The following TRANK1 variants were observed in gnomAD, a reference collection of about 807,000 sequenced individuals.
The protein encoded by TRANK1 is TPR and ankyrin repeat-containing protein 1.
TRANK1 carries 198 observed loss-of-function variants against 266.0 expected under a neutral mutation model. The ratio of observed to expected loss-of-function variants is 0.74; its 90% CI spans 0.66 to 0.84. The LOEUF (loss-of-function observed/expected upper bound fraction) is 0.84. Ranked by LOEUF, TRANK1 falls within the 40% of genes least tolerant of loss-of-function variation. The pLI is 0.00. For synonymous variants in TRANK1, 1,396 were observed against 1,384.1 expected (o/e 1.01, Z -0.19); for missense variants, 3,326 against 3,634.6 (o/e 0.92, Z 2.18).
chr3:36,852,858 C>A (rs1360160575), intron 13 of TRANK1, among the ~76,000 whole-genome samples: 2 of 150,646 alleles, frequency 1.3e-5, no homozygotes, highest in Non-Finnish European at 1.5e-5. Context: ...GTAAGAAAAC[C>A]AGAATTGCCT....
chr3:36,854,364 A>C (rs1298304389), intron 13 of TRANK1, among the ~76,000 whole-genome samples: 1 of 129,976 alleles, frequency 7.7e-6, no homozygotes, highest in East Asian at 1.9e-4. Flanking sequence ...TATCTGAAAA[A>C]AACAAAAAAA....
chr3:36,931,956 T>C (rs1221109384), intron 1 of TRANK1, among the ~76,000 whole-genome samples: 1 of 152,188 alleles, frequency 6.6e-6, no homozygotes, highest in Non-Finnish European at 1.5e-5. Context: ...AATAAAATTA[T>C]TTACCCTTAT....
In TRANK1 at chr3:36,857,674, C is replaced by T; in HGVS notation, c.2048G>A (p.Gly683Asp). ...PGHTSQLKSQ[G>D]SFKSVPCGAT... is the part of the protein sequence containing the mutation. ...ACCACATGGCACTGACTTGAATGAACCCTGGGACTTGAGCTGAGATGTGTG... is the reference window on the plus strand; with the variant it reads ...ACCACATGGCACTGACTTGAATGAATCCTGGGACTTGAGCTGAGATGTGTG... Residue 683 changes from glycine (G) to aspartate (D), a missense_variant, in exon 13 of 24, where the codon GGT (glycine) becomes GAT (aspartate). Coordinates refer to ENST00000645898, the MANE Select transcript of TRANK1 (RefSeq NM_001329998.2). The surrounding 1 kb of genome is among the most constrained non-coding windows in gnomAD (Gnocchi z 4.3). 1.9e-6 allele frequency: 3 copies of T among 1,614,018 alleles called. No homozygotes were observed. Among genetic ancestry groups the T allele is most frequent in the South Asian group, 2.2e-5 (2 of 91,080 alleles).
Position 36,847,191 on chromosome 3 carries a change from G to T in TRANK1, c.5034+9C>A. The T allele has an allele frequency of 6.2e-7, 1 of 1,610,042 alleles. No individual in the cohort carries two copies. Among genetic ancestry groups the T allele is most frequent in the Non-Finnish European group, 8.5e-7 (1 of 1,177,382 alleles). ...CAAGTACATGTGTTGACAAATGGCA[G>T]AAATTCACCTTGTACATTTCTGGAT... On this transcript the variant is annotated intron_variant, in intron 16 of 23. Transcript: ENST00000645898.
chr3:36,880,036 GCAAATATATGTAAACATA>G (rs1327191842), intron 8 of TRANK1: 1 of 4,434 alleles, frequency 2.3e-4, no homozygotes, highest in African/African-American at 1.1e-3. Flanking sequence ...ATGTAAACAT[GCAAATATATGTAAACATA>G]CAAATATATG....
intron 8 of TRANK1, among the ~76,000 whole-genome samples, chr3:36,882,455 G>C (rs115474485): frequency 3.5e-4 from 53 of 152,118 alleles, no homozygotes; most frequent in African/African-American, 1.2e-3. Flanking sequence ...AGACAAATAG[G>C]TAATTATTTG....
intron 1 of TRANK1, among the ~76,000 whole-genome samples, chr3:36,942,548 C>T (rs2080510805): frequency 6.7e-6 from 1 of 150,364 alleles, no homozygotes; most frequent in African/African-American, 2.5e-5. Context: ...GCATTTACAC[C>T]AGGCCCCACT....
At chr3:36,922,731 A>G (rs936105566) in intron 1 of TRANK1, among the ~76,000 whole-genome samples, 5 of 151,668 alleles carry the variant, frequency 3.3e-5, no homozygotes, top group African/African-American at 1.2e-4. Context: ...AGCCGAGATC[A>G]CACCACTGCA....
chr3:36,877,273 G>GA (rs2079403756), intron 8 of TRANK1, among the ~76,000 whole-genome samples: 2 of 152,008 alleles, frequency 1.3e-5, no homozygotes, highest in Admixed American at 1.3e-4. Flanking sequence ...AATATTTGCA[G>GA]AAAAAAATGT....
At chr3:36,923,079 A>T (rs1254194213) in intron 1 of TRANK1, among the ~76,000 whole-genome samples, 1 of 152,184 alleles carries the variant, frequency 6.6e-6, no homozygotes, top group East Asian at 1.9e-4. Context: ...TTAGTGTTTT[A>T]TCAGCACTGC....
chr3:36,842,361 G>T (rs1014579603), intron 18 of TRANK1, among the ~76,000 whole-genome samples: 1 of 152,224 alleles, frequency 6.6e-6, no homozygotes, highest in Non-Finnish European at 1.5e-5. Context: ...TCCTTGGTGG[G>T]GCAAAGGCCA....
rs1286190514 is a variant in TRANK1, at chr3:36,831,787, A to T, written c.7796T>A (p.Met2599Lys). ...AACCTGGCCAGGGCAGTCCATGCTC[A>T]TGAGCTGCAGCCTTGACTCAATCTC... ...FREIESRLQL[M>K]SMDCPGQVPE... The change falls in exon 22 of 24, where the codon ATG (methionine) becomes AAG (lysine). Residue 2599 changes from methionine (M) to lysine (K), a missense_variant. Physicochemically the swap from Met to Lys is moderately conservative, Grantham distance 95. Coordinates refer to ENST00000645898, the MANE Select transcript of TRANK1 (RefSeq NM_001329998.2). The surrounding 1 kb of genome is among the most constrained non-coding windows in gnomAD (Gnocchi z 5.0). The T allele has an allele frequency of 6.2e-7, 1 of 1,613,958 alleles. No homozygotes were observed. Among genetic ancestry groups the T allele is most frequent in the Non-Finnish European group, 8.5e-7 (1 of 1,179,880 alleles).
chr3:36,908,332 T>C lies in TRANK1; in HGVS notation c.146A>G (p.Tyr49Cys). 1 of 1,232,194 alleles carries C rather than the reference T, an allele frequency of 8.1e-7. No individual in the cohort carries two copies. Among genetic ancestry groups the C allele is most frequent in the Non-Finnish European group, 1.0e-6 (1 of 987,974 alleles). The allele number at this position is 1,232,194 out of a possible 1,614,324, so 76.3% of individuals were successfully genotyped here. A position where few individuals can be genotyped will look rare whatever the true frequency, so the allele number is the denominator to read the frequency against. ...AAATGCAAACACTTACCCCCACTGG[T>C]ATAACTGCAGGAGAATCTGGATGGC... Reference protein sequence around the residue: ...DEAIQILLQLYQWGVPPRDLA... With the variant: ...DEAIQILLQLCQWGVPPRDLA... Residue 49 changes from tyrosine (Y) to cysteine (C), a missense_variant, in exon 2 of 24, where the codon TAC becomes TGC. Coordinates refer to ENST00000645898, the MANE Select transcript of TRANK1 (RefSeq NM_001329998.2).
At chr3:36,907,024 C>G (rs1035759372) in intron 2 of TRANK1, among the ~76,000 whole-genome samples, 8 of 152,252 alleles carry the variant, frequency 5.3e-5, no homozygotes, top group African/African-American at 1.7e-4. Context: ...AGACTGAATA[C>G]AGATGTAAGA....
chr3:36,830,845 C>T (rs938017436), intron 22 of TRANK1, 28 bp downstream of exon 22: 3 of 1,555,810 alleles, frequency 1.9e-6, no homozygotes, highest in Non-Finnish European at 2.6e-6. Flanking sequence ...CTCACTCTGC[C>T]TGGGCCCCCA....
intron 12 of TRANK1, 50 bp from the exon 13 acceptor site, chr3:36,858,099 G>A: frequency 7.1e-7 from 1 of 1,417,196 alleles, no homozygotes; most frequent in Non-Finnish European, 9.3e-7. Flanking sequence ...TCTTCTTAGG[G>A]GACAGCAGAC....
chr3:36,855,043 C>T, intron 13 of TRANK1, 130 bp downstream of exon 13: 1 of 807,858 alleles, frequency 1.2e-6, no homozygotes, highest in East Asian at 2.7e-5. Flanking sequence ...AGCGTATTTA[C>T]TAACAAATTC....
Position 36,858,731 on chromosome 3 carries a change from A to G in TRANK1, c.1659T>C (p.Phe553=). The G allele has an allele frequency of 6.5e-7, 1 of 1,527,632 alleles. No homozygotes were observed. The highest frequency in any genetic ancestry group is 8.8e-7 in the Non-Finnish European group (1 of 1,142,124). The allele number at this position is 1,527,632 out of a possible 1,614,324, so 94.6% of individuals were successfully genotyped here. A position where few individuals can be genotyped will look rare whatever the true frequency, so the allele number is the denominator to read the frequency against. The part of the protein sequence containing the change: ...DTPLHAALHI[F]LEIKADIGFS... ...ACAAGGGCTTACCTTTAATCTCTAGAAAGATGTGGAGTGCTGCATGCAAAG... is the reference window on the plus strand; with the variant it reads ...ACAAGGGCTTACCTTTAATCTCTAGGAAGATGTGGAGTGCTGCATGCAAAG... The change falls in exon 12 of 24, where the codon TTT becomes TTC. Residue 553 remains phenylalanine (F), a synonymous_variant. Coordinates refer to ENST00000645898, the MANE Select transcript of TRANK1 (RefSeq NM_001329998.2).
In TRANK1 at chr3:36,838,361, A is replaced by G. The variant is rs1267330394; in HGVS notation, c.5517+11T>C. The G allele has an allele frequency of 6.2e-7, 1 of 1,613,556 alleles. No homozygotes were observed. The highest frequency in any genetic ancestry group is 8.5e-7 in the Non-Finnish European group (1 of 1,179,718). On this transcript the variant is annotated intron_variant, in intron 20 of 23. Coordinates refer to ENST00000645898, the MANE Select transcript of TRANK1 (RefSeq NM_001329998.2). ...GTTTTCCCTGGAGCAGCAGCGGACT[A>G]GGAGCCATACCTTTCCCAGCCTCTC...
Sources: gnomAD v4.1 joint callset for allele counts (sites outside exome capture counted in the v4.1 genomes callset) on GRCh38, gnomAD v4.1.1 for gene constraint, Gnocchi (gnomAD v3.1) non-coding constraint, MANE v1.5 for transcripts, NCBI Gene and HGNC (gene_info 2026-07-23, HGNC 2026-07-21) for gene names.